Variants in CLIP1 observed in about 807,000 individuals in gnomAD.
The protein encoded by CLIP1 is CAP-Gly domain-containing linker protein 1.
A neutral mutation model predicts 161.6 loss-of-function variants in CLIP1; 66 were observed. The ratio of observed to expected loss-of-function variants is 0.41; its 90% confidence interval spans 0.33 to 0.50. CLIP1 has a LOEUF of 0.50. Ranked by LOEUF, CLIP1 falls within the 20% of genes least tolerant of loss-of-function variation. The probability of loss-of-function intolerance (pLI) is 0.27; values close to 1 mark genes in which losing one functional copy is unlikely to be tolerated. For synonymous variants in CLIP1, 598 were observed against 626.2 expected (o/e 0.96, Z 0.67); for missense variants, 1,376 against 1,702.0 (o/e 0.81, Z 3.37).
At chr12:122,305,032 G>T (rs60938230) in intron 20 of CLIP1, among the ~76,000 whole-genome samples, 2,179 of 152,212 alleles carry the variant, frequency 0.014, 43 homozygotes, top group African/African-American at 0.049. Context: ...AGGAAAAACT[G>T]TTCATGAAAT....
chr12:122,360,656 G>A (rs1953732939), intron 5 of CLIP1, among the ~76,000 whole-genome samples: 1 of 152,088 alleles, frequency 6.6e-6, no homozygotes, highest in Admixed American at 6.5e-5. Flanking sequence ...TAATTTCATA[G>A]AAAATAATTT....
chr12:122,413,537 G>A (rs1429972136), intron 1 of CLIP1, among the ~76,000 whole-genome samples: 1 of 152,116 alleles, frequency 6.6e-6, no homozygotes. Context: ...GTAAGCAAAG[G>A]AGCAAACAAA....
chr12:122,337,797 C>T (rs376273075), intron 11 of CLIP1, among the ~76,000 whole-genome samples: 1 of 151,902 alleles, frequency 6.6e-6, no homozygotes, highest in Non-Finnish European at 1.5e-5. Flanking sequence ...GGGCGGATCA[C>T]GAAGTCAGGA....
At chr12:122,362,248 C>T (rs376331339) in intron 4 of CLIP1, among the ~76,000 whole-genome samples, 2 of 150,640 alleles carry the variant, frequency 1.3e-5, no homozygotes, top group South Asian at 2.1e-4. Context: ...CACCATGCCC[C>T]GCCCAAAAAA....
intron 5 of CLIP1, among the ~76,000 whole-genome samples, chr12:122,357,574 C>T (rs1400613007): frequency 6.8e-6 from 1 of 146,048 alleles, no homozygotes; most frequent in Non-Finnish European, 1.5e-5. Flanking sequence ...GTCAGCCCCC[C>T]CCGCCCGGCC....
At chr12:122,280,187 CCT>C (rs1955592334) in intron 21 of CLIP1, 1 of 152,132 alleles carries the variant, frequency 6.6e-6, no homozygotes, top group Non-Finnish European at 1.5e-5. Flanking sequence ...GATTCTCCTG[CCT>C]CAGCCTCCTG....
chr12:122,278,149 A>G lies in CLIP1; in HGVS notation c.3966+5T>C, dbSNP rs780137756. 6.2e-7 allele frequency: 1 copy of G among 1,606,996 alleles called. No individual in the cohort carries two copies. The highest frequency in any genetic ancestry group is 8.5e-7 in the Non-Finnish European group (1 of 1,178,358). ...GAAAGTAAAGCAATAAGGCAGGAAC[A>G]TTACCTGACTCTCCTGGGCTCTTTC... On this transcript the variant is annotated splice_donor_5th_base_variant and intron_variant, in intron 24 of 25. Transcript: ENST00000620786.
intron 21 of CLIP1, among the ~76,000 whole-genome samples, chr12:122,286,520 T>TAAAAAAAAAA (rs57260606): frequency 1.1e-4 from 3 of 28,256 alleles, no homozygotes; most frequent in Non-Finnish European, 1.4e-4. Context: ...GACTCTGTCT[T>TAAAAAAAAAA]AAAAAAAAAA....
chr12:122,321,767 C>A (rs1428256419), intron 17 of CLIP1, among the ~76,000 whole-genome samples: 1 of 152,224 alleles, frequency 6.6e-6, no homozygotes. Flanking sequence ...CATCTGTCCA[C>A]CTCAGCCTCC....
At chr12:122,348,268 A>T (rs1325360720) in intron 9 of CLIP1, among the ~76,000 whole-genome samples, 1 of 152,210 alleles carries the variant, frequency 6.6e-6, no homozygotes, top group East Asian at 1.9e-4. Flanking sequence ...AGAATTACAA[A>T]GAGAAAATTT....
intron 24 of CLIP1, chr12:122,276,382 C>CCACACACACACACACACACATACA: frequency 8.6e-7 from 1 of 1,160,594 alleles, no homozygotes; most frequent in Non-Finnish European, 1.1e-6. Context: ...TAGTGGGAAA[C>CCACACACACACACACACACATACA]CACACACACA....
chr12:122,356,905 G>A (rs1259019840), intron 5 of CLIP1, among the ~76,000 whole-genome samples: 1 of 152,250 alleles, frequency 6.6e-6, no homozygotes, highest in Non-Finnish European at 1.5e-5. Context: ...CTCCCGAGGT[G>A]CCGAGATTGC....
chr12:122,333,490 C>T (rs1209691449), intron 14 of CLIP1, among the ~76,000 whole-genome samples: 3 of 152,120 alleles, frequency 2.0e-5, no homozygotes, highest in Non-Finnish European at 2.9e-5. Flanking sequence ...ACACCCACCA[C>T]GTCTGAGCAC....
intron 10 of CLIP1, chr12:122,342,252 C>T (rs145654335): frequency 6.6e-6 from 1 of 152,350 alleles, no homozygotes; most frequent in Non-Finnish European, 1.5e-5. Context: ...TATCCATTAA[C>T]TGATAAGTTA....
In CLIP1 at chr12:122,377,506, T is replaced by C. The variant is rs1020987535; in HGVS notation, c.540A>G (p.Ser180=). 1 of 1,613,998 alleles carries C rather than the reference T, an allele frequency of 6.2e-7. No individual in the cohort carries two copies. The highest frequency in any genetic ancestry group is 1.3e-5 in the African/African-American group (1 of 74,904). The change falls in exon 3 of 26, where the codon TCA becomes TCG. Residue 180 remains serine, a synonymous_variant. Coordinates refer to ENST00000620786, the MANE Select transcript of CLIP1 (RefSeq NM_001247997.2). ...KPSQPAAKEP[S]ATPPISNLTK... ...TAAGGTTGCTGATCGGAGGCGTAGC[T>C]GAAGGTTCCTTTGCTGCTGGCTGTG...
In CLIP1 at chr12:122,292,934, C is replaced by T. The variant is rs186492304; in HGVS notation, c.3595-4393G>A. ...AGGAGAATGGCATGAACCCGGGAGG[C>T]GGAGCTTGCAGTGGGCCGAGATAGC... On this transcript the variant is annotated intron_variant, in intron 20 of 25. Transcript: ENST00000620786. 7.3e-4 allele frequency among the ~76,000 whole-genome samples: 103 copies of T among 140,658 alleles called. 2 individuals carry two copies. Among genetic ancestry groups the T allele is most frequent in the African/African-American group, 2.7e-3 (99 of 37,032 alleles). 92.3% of individuals were successfully genotyped at this position (140,658 alleles called of 152,430 possible).
intron 1 of CLIP1, among the ~76,000 whole-genome samples, chr12:122,414,757 G>A (rs1300730328): frequency 6.6e-6 from 1 of 152,184 alleles, no homozygotes; most frequent in African/African-American, 2.4e-5. Context: ...GAGCCACCAC[G>A]CCCAGCCCAA....
chr12:122,359,857 G>A (rs1396330944), intron 5 of CLIP1, among the ~76,000 whole-genome samples: 2 of 152,248 alleles, frequency 1.3e-5, no homozygotes, highest in South Asian at 2.1e-4. Context: ...ACCACCCAGC[G>A]GAGACCTGAA....
At chr12:122,410,904 C>A (rs1231289946) in intron 1 of CLIP1, among the ~76,000 whole-genome samples, 1 of 152,132 alleles carries the variant, frequency 6.6e-6, no homozygotes, top group Non-Finnish European at 1.5e-5. Context: ...CGATGAGATA[C>A]CACACTGCAC....
Sources: allele counts gnomAD v4.1 joint callset (sites outside exome capture counted in the v4.1 genomes callset), GRCh38; gene constraint gnomAD v4.1.1; transcripts MANE v1.5; gene names NCBI Gene and HGNC (gene_info 2026-07-23, HGNC 2026-07-21).